The following PTCH1 variants were observed in gnomAD, a reference collection of about 807,000 sequenced individuals.
PTCH1 encodes the protein protein patched homolog 1.
In PTCH1, 14 loss-of-function variants were observed where a neutral mutation model predicts 144.6. The ratio of observed to expected loss-of-function variants is 0.10; its 90% CI spans 0.06 to 0.15. The LOEUF (loss-of-function observed/expected upper bound fraction) is 0.15, where lower values mean the gene tolerates loss of function less well. Among genes scored for constraint, PTCH1 ranks in the 10% least tolerant of loss-of-function variants. The probability of loss-of-function intolerance (pLI) is 1.00; values close to 1 mark genes in which losing one functional copy is unlikely to be tolerated. For synonymous variants in PTCH1, 833 were observed against 793.6 expected (o/e 1.05, Z -0.83); for missense variants, 1,623 against 1,948.3 (o/e 0.83, Z 3.14).
In PTCH1 at chr9:95,446,307, A is replaced by G. The variant is rs746530233; in HGVS notation, c.*86T>C. 7 of 496,614 alleles carry G rather than the reference A, an allele frequency of 1.4e-5. No homozygotes were observed. The highest frequency in any genetic ancestry group is 2.8e-5 in the Non-Finnish European group (7 of 252,954). 30.8% of individuals were successfully genotyped at this position (496,614 alleles called of 1,614,324 possible). A position where few individuals can be genotyped will look rare whatever the true frequency, so the allele number is the denominator to read the frequency against. The stretch of plus-strand genomic sequence containing the variant: ...ACAGGGCATCTTTTCCATAACTCCA[A>G]CCAGTTCTCTTCAAGCAGTTCTGGA... On this transcript the variant is annotated 3_prime_UTR_variant, in exon 24 of 24. Transcript: ENST00000331920.
chr9:95,509,985 G>A (rs1045454918), upstream of PTCH1, among the ~76,000 whole-genome samples: 3 of 149,074 alleles, frequency 2.0e-5, no homozygotes, highest in African/African-American at 4.9e-5. Context: ...CCCCCCAGCC[G>A]CTTTCTCCCC....
At chr9:95,455,153 C>T (rs527284115) in intron 19 of PTCH1, among the ~76,000 whole-genome samples, 5 of 152,266 alleles carry the variant, frequency 3.3e-5, no homozygotes, top group Non-Finnish European at 7.4e-5. Context: ...AATACTGTTG[C>T]CATATTATTG....
intron 15 of PTCH1, among the ~76,000 whole-genome samples, chr9:95,466,404 A>G (rs916909961): frequency 6.6e-6 from 1 of 152,220 alleles, no homozygotes; most frequent in Non-Finnish European, 1.5e-5. Context: ...AAATGTTACT[A>G]AGCATTTATA....
At chr9:95,447,836 G>C (rs1025430947) in intron 22 of PTCH1, among the ~76,000 whole-genome samples, 1 of 152,254 alleles carries the variant, frequency 6.6e-6, no homozygotes, top group Non-Finnish European at 1.5e-5. Flanking sequence ...GCTGGCCTGA[G>C]TGCAGGACGC....
chr9:95,448,661 C>A (rs1480178749), intron 22 of PTCH1, among the ~76,000 whole-genome samples: 1 of 151,988 alleles, frequency 6.6e-6, no homozygotes, highest in Non-Finnish European at 1.5e-5. Context: ...AAAAACCTGA[C>A]CTCTGTTGGC....
rs145893445 is a variant in PTCH1 at position 95,480,453 on chromosome 9, G to A, written c.882C>T (p.Arg294=). The A allele has an allele frequency of 1.1e-4, 184 of 1,611,924 alleles. No homozygotes were observed. The highest frequency in any genetic ancestry group is 1.5e-4 in the Non-Finnish European group (172 of 1,179,726). ...CTGGATCGGCCGGATTGAGGCAGGG[G>A]CGGTCCATGTAACCATGACCAACCT... The part of the protein sequence containing the change: ...KAEVGHGYMD[R]PCLNPADPDC... The change falls in exon 6 of 24, where the codon CGC becomes CGT. Residue 294 remains arginine (R), a synonymous_variant. Coordinates refer to ENST00000331920, the MANE Select transcript of PTCH1 (RefSeq NM_000264.5).
At chr9:95,484,032 A>G (rs1228901995) in intron 3 of PTCH1, 1 of 152,242 alleles carries the variant, frequency 6.6e-6, no homozygotes, top group African/African-American at 2.4e-5. Flanking sequence ...GGATGGGTTG[A>G]ACTACATGTT....
intron 2 of PTCH1, chr9:95,503,416 G>A (rs1362509112): frequency 6.6e-6 from 1 of 151,988 alleles, no homozygotes; most frequent in Non-Finnish European, 1.5e-5. Flanking sequence ...TCACAAACAA[G>A]ATCTCTACAC....
intron 1 of PTCH1, chr9:95,507,147 GTTCACTCCCGACGCAT>G: frequency 1.0e-6 from 1 of 985,578 alleles, no homozygotes; most frequent in Non-Finnish European, 1.2e-6. Context: ...GGCCGCCGGA[GTTCACTCCCGACGCAT>G]TTCCATAGCG....
At chr9:95,450,300 C>G (rs1204101100) in intron 20 of PTCH1, 1 of 348,070 alleles carries the variant, frequency 2.9e-6, no homozygotes, top group Non-Finnish European at 5.5e-6. Context: ...ACTGAAAGCA[C>G]AAACACAATG....
chr9:95,480,121 G>A (rs777140985), intron 6 of PTCH1, 31 bp from the exon 7 acceptor site: 26 of 1,613,208 alleles, frequency 1.6e-5, no homozygotes, highest in African/African-American at 1.3e-5. Flanking sequence ...CATAATTATG[G>A]GAATTAGTAG....
chr9:95,516,337 T>C, intron 1 of PTCH1: 9 of 606,336 alleles, frequency 1.5e-5, no homozygotes, highest in Non-Finnish European at 1.7e-5. Flanking sequence ...CCGCCCCTCC[T>C]GCCCGGCGCT....
At chr9:95,460,751 G>A (rs551058761) in intron 16 of PTCH1, among the ~76,000 whole-genome samples, 7 of 152,076 alleles carry the variant, frequency 4.6e-5, no homozygotes, top group Non-Finnish European at 7.4e-5. Context: ...TCTCCCTCCC[G>A]GGAGGAGGAA....
intron 12 of PTCH1, among the ~76,000 whole-genome samples, chr9:95,472,622 G>A (rs556928263): frequency 1.3e-3 from 197 of 152,188 alleles, no homozygotes; most frequent in Non-Finnish European, 2.4e-3. Context: ...GCAGAGGTTC[G>A]TGACACAGGG....
intron 2 of PTCH1, among the ~76,000 whole-genome samples, chr9:95,497,133 A>G (rs1050687628): frequency 6.6e-6 from 1 of 152,252 alleles, no homozygotes; most frequent in African/African-American, 2.4e-5. Flanking sequence ...CAATTCCGCA[A>G]ATTCAAACTG....
intron 23 of PTCH1, 132 bp from the exon 24 acceptor site, chr9:95,446,523 C>T: frequency 2.2e-6 from 1 of 458,242 alleles, no homozygotes; most frequent in Non-Finnish European, 4.3e-6. Flanking sequence ...CCTGAGGTGT[C>T]CCTGGGGGCT....
chr9:95,459,660 G>A lies in PTCH1; in HGVS notation c.2827C>T (p.Pro943Ser), dbSNP rs2136670918. ...TCGTGGACCCATTCTGGTCGGTGTGGCCGGATGTTGGCCTGGGAGGCAGCA... is the reference window on the plus strand; with the variant it reads ...TCGTGGACCCATTCTGGTCGGTGTGACCGGATGTTGGCCTGGGAGGCAGCA... ...AYAASQANIR[P>S]HRPEWVHDKA... Residue 943 changes from proline to serine, a missense_variant, in exon 17 of 24, where the codon CCA becomes TCA. By Grantham distance (74) the Pro-to-Ser change is moderately conservative. Transcript: ENST00000331920. 1 of 1,614,164 alleles carries A rather than the reference G, an allele frequency of 6.2e-7. No homozygotes were observed. Among genetic ancestry groups the A allele is most frequent in the Non-Finnish European group, 8.5e-7 (1 of 1,180,036 alleles).
At chr9:95,506,630 G>A (rs769332531) in intron 1 of PTCH1, 31 bp from the exon 2 acceptor site, 24 of 1,552,484 alleles carry the variant, frequency 1.5e-5, no homozygotes, top group African/African-American at 4.2e-5. Flanking sequence ...AGGAGTGAGC[G>A]CCGGGGAGTC....
intron 1 of PTCH1, chr9:95,516,391 C>T (rs1055152350): frequency 1.8e-5 from 21 of 1,172,336 alleles, no homozygotes; most frequent in Non-Finnish European, 2.0e-5. Flanking sequence ...TCCCGCGTCC[C>T]CGTGTCCCCG....
Sources: allele counts gnomAD v4.1 joint callset (sites outside exome capture counted in the v4.1 genomes callset), GRCh38; gene constraint gnomAD v4.1.1; transcripts MANE v1.5; gene names NCBI Gene and HGNC (gene_info 2026-07-23, HGNC 2026-07-21).